GRIA4: variants seen among roughly 807,000 people sequenced by gnomAD.
The protein encoded by GRIA4 is glutamate ionotropic receptor AMPA type subunit 4, also known as glutamate receptor 4.
A neutral mutation model predicts 104.0 loss-of-function variants in GRIA4; 34 were observed. The ratio of observed to expected loss-of-function variants is 0.33; its 90% confidence interval spans 0.25 to 0.44. The LOEUF is 0.44. Ranked by LOEUF, GRIA4 falls within the 20% of genes least tolerant of loss-of-function variation. The pLI is 1.00. For synonymous variants in GRIA4, 386 were observed against 381.9 expected (o/e 1.01, Z -0.13); for missense variants, 750 against 1,096.5 (o/e 0.68, Z 4.46).
intron 11 of GRIA4, among the ~76,000 whole-genome samples, chr11:105,923,784 A>T (rs1947633236): frequency 6.6e-6 from 1 of 152,172 alleles, no homozygotes; most frequent in Non-Finnish European, 1.5e-5. Context: ...ATATGTGAAT[A>T]GCAAGAAATA....
At position 105,610,976 on chromosome 11, in the gene GRIA4, G is replaced by T. The variant is rs2135235469; in HGVS notation, c.-22G>T. 2 of 1,522,704 alleles carry T rather than the reference G, an allele frequency of 1.3e-6. No individual in the cohort carries two copies. The highest frequency in any genetic ancestry group is 1.8e-6 in the Non-Finnish European group (2 of 1,099,530). The allele number at this position is 1,522,704 out of a possible 1,614,324, so 94.3% of individuals were successfully genotyped here. Reference sequence around the variant, plus strand: ...TGCGAGAGAAAGAGAGAGAGCGCGCGCCAGGGAGAGGAGAAAAGAAGATGA... The same window carrying T: ...TGCGAGAGAAAGAGAGAGAGCGCGCTCCAGGGAGAGGAGAAAAGAAGATGA... On this transcript the variant is annotated 5_prime_UTR_variant, in exon 2 of 17. Transcript: ENST00000282499.
At chr11:105,669,227 T>A (rs1264948218) in intron 3 of GRIA4, among the ~76,000 whole-genome samples, 1 of 151,926 alleles carries the variant, frequency 6.6e-6, no homozygotes, top group African/African-American at 2.4e-5. Flanking sequence ...TCCTGGACAA[T>A]TACAATAACC....
chr11:105,825,534 A>G (rs915587964), intron 4 of GRIA4, among the ~76,000 whole-genome samples: 1 of 152,218 alleles, frequency 6.6e-6, no homozygotes, highest in Admixed American at 6.5e-5. Flanking sequence ...ACCCCAAAAT[A>G]GAGACATTAG....
intron 3 of GRIA4, among the ~76,000 whole-genome samples, chr11:105,712,052 T>A (rs1250624721): frequency 6.6e-6 from 1 of 152,118 alleles, no homozygotes; most frequent in Non-Finnish European, 1.5e-5. Flanking sequence ...ATCTTTAAAT[T>A]TTGTATGTTT....
intron 4 of GRIA4, among the ~76,000 whole-genome samples, chr11:105,856,470 T>TA (rs1306436844): frequency 6.6e-6 from 1 of 152,074 alleles, no homozygotes; most frequent in East Asian, 1.9e-4. Flanking sequence ...CTATGCAAGA[T>TA]AAAAAGTATA....
At chr11:105,843,233 C>T (rs1944459732) in intron 4 of GRIA4, among the ~76,000 whole-genome samples, 1 of 152,158 alleles carries the variant, frequency 6.6e-6, no homozygotes, top group African/African-American at 2.4e-5. Context: ...TTCCTCCCAG[C>T]TGAAAAATGC....
At chr11:105,759,534 T>C (rs1405863487) in intron 4 of GRIA4, among the ~76,000 whole-genome samples, 1 of 152,178 alleles carries the variant, frequency 6.6e-6, no homozygotes, top group African/African-American at 2.4e-5. Flanking sequence ...TTACTCTTCA[T>C]ATAAAGTCCA....
intron 4 of GRIA4, among the ~76,000 whole-genome samples, chr11:105,829,106 C>CACACACACACACAA (rs1943880613): frequency 6.6e-6 from 1 of 151,930 alleles, no homozygotes; most frequent in Non-Finnish European, 1.5e-5. Context: ...CACACACACA[C>CACACACACACACAA]AAATAGACTG....
chr11:105,615,110 T>A (rs536566806), intron 3 of GRIA4, among the ~76,000 whole-genome samples: 25 of 152,000 alleles, frequency 1.6e-4, no homozygotes, highest in African/African-American at 5.8e-4. Context: ...CTTGTAAAAC[T>A]GGAGGATCTG....
intron 3 of GRIA4, among the ~76,000 whole-genome samples, chr11:105,654,086 G>A (rs1951771243): frequency 6.7e-6 from 1 of 149,926 alleles, no homozygotes. Flanking sequence ...GATGAACCTG[G>A]AAGACATTAA....
At chr11:105,966,097 A>G in intron 14 of GRIA4, 1 of 1,375,916 alleles carries the variant, frequency 7.3e-7, no homozygotes, top group Non-Finnish European at 1.0e-6. Flanking sequence ...GGTAAACAGT[A>G]TGTAAAGTAA....
At chr11:105,971,881 T>C (rs748236529) in intron 14 of GRIA4, 33 bp from the exon 15 acceptor site, 5 of 1,291,196 alleles carry the variant, frequency 3.9e-6, no homozygotes, top group Admixed American at 3.4e-5. Context: ...AAATAACATA[T>C]ATAATGTTAT....
rs182239370 is a variant in GRIA4 at position 105,740,037 on chromosome 11, T to C, written c.248-12944T>C. Among the ~76,000 whole-genome samples, 325 of 152,218 alleles carry C rather than the reference T, an allele frequency of 2.1e-3. 2 individuals carry two copies. Among genetic ancestry groups the C allele is most frequent in the African/African-American group, 7.2e-3 (300 of 41,550 alleles). ...ATTGCCAGATGCACTGACAACCTCATCACATTCTAGCTAGCAAAAATTAAA... is the reference window on the plus strand; with the variant it reads ...ATTGCCAGATGCACTGACAACCTCACCACATTCTAGCTAGCAAAAATTAAA... On this transcript the variant is annotated intron_variant, in intron 3 of 16. Transcript: ENST00000282499.
chr11:105,808,023 A>C (rs903554452), intron 4 of GRIA4, among the ~76,000 whole-genome samples: 12 of 152,096 alleles, frequency 7.9e-5, no homozygotes, highest in African/African-American at 2.9e-4. Flanking sequence ...TTTAATAGAA[A>C]ATAGCTATTT....
intron 3 of GRIA4, among the ~76,000 whole-genome samples, chr11:105,716,927 G>T (rs149928805): frequency 6.6e-6 from 1 of 152,062 alleles, no homozygotes; most frequent in African/African-American, 2.4e-5. Flanking sequence ...AACTTGATAG[G>T]CAGTTGCTCT....
intron 4 of GRIA4, among the ~76,000 whole-genome samples, chr11:105,853,182 G>A (rs1944882124): frequency 6.6e-6 from 1 of 152,110 alleles, no homozygotes; most frequent in Admixed American, 6.6e-5. Flanking sequence ...TAATGAGTCA[G>A]TTTTGCAGGT....
intron 6 of GRIA4, among the ~76,000 whole-genome samples, chr11:105,894,791 A>ATTTTTTTTTTTTTTTTTTTTTT (rs569292239): frequency 2.4e-5 from 3 of 126,386 alleles, no homozygotes; most frequent in African/African-American, 9.5e-5. Context: ...ATTGCTACAT[A>ATTTTTTTTTTTTTTTTTTTTTT]TTTTTTTTTT....
intron 6 of GRIA4, among the ~76,000 whole-genome samples, chr11:105,894,091 C>T (rs372402998): frequency 2.6e-5 from 4 of 152,022 alleles, no homozygotes; most frequent in South Asian, 4.1e-4. Context: ...TGCTGGATAC[C>T]GTAGCATTCT....
intron 3 of GRIA4, among the ~76,000 whole-genome samples, chr11:105,663,331 T>C (rs1382286375): frequency 1.3e-5 from 2 of 152,044 alleles, no homozygotes; most frequent in East Asian, 3.9e-4. Flanking sequence ...TATCAATAAC[T>C]GGGATTCTCT....
Sources: allele counts gnomAD v4.1 joint callset (sites outside exome capture counted in the v4.1 genomes callset), GRCh38; gene constraint gnomAD v4.1.1; transcripts MANE v1.5; gene names NCBI Gene and HGNC (gene_info 2026-07-23, HGNC 2026-07-21).